The following EPHB1 variants were observed in gnomAD, a reference collection of about 807,000 sequenced individuals.
EPHB1 encodes the protein EPH receptor B1.
A neutral mutation model predicts 94.4 loss-of-function variants in EPHB1; 30 were observed. The observed-to-expected ratio is 0.32, with a 90% CI of 0.24 to 0.43. The LOEUF (loss-of-function observed/expected upper bound fraction) is 0.43. Among genes scored for constraint, EPHB1 ranks in the 20% least tolerant of loss-of-function variants. The pLI, the probability that EPHB1 is intolerant of heterozygous loss-of-function variation, is 1.00. For missense variants in EPHB1, 1,055 were observed against 1,308.3 expected (o/e 0.81, Z 2.99); for synonymous variants, 522 against 489.1 (o/e 1.07, Z -0.89).
chr3:135,242,813 C>T (rs1480705433), intron 13 of EPHB1, among the ~76,000 whole-genome samples: 2 of 152,254 alleles, frequency 1.3e-5, no homozygotes, highest in African/African-American at 2.4e-5. Context: ...CGCAGTGGCT[C>T]ATGCTTGTAG....
At chr3:135,059,863 T>C (rs1415736990) in intron 3 of EPHB1, among the ~76,000 whole-genome samples, 1 of 152,156 alleles carries the variant, frequency 6.6e-6, no homozygotes, top group Non-Finnish European at 1.5e-5. Flanking sequence ...CGTTTGGGCC[T>C]CAGCGTGCCG....
chr3:135,012,917 T>A (rs1935670052), intron 3 of EPHB1, among the ~76,000 whole-genome samples: 2 of 152,230 alleles, frequency 1.3e-5, no homozygotes, highest in African/African-American at 4.8e-5. Flanking sequence ...GCATTTCATA[T>A]AATATATGTA....
At chr3:135,114,263 G>T (rs963326773) in intron 4 of EPHB1, among the ~76,000 whole-genome samples, 1 of 152,070 alleles carries the variant, frequency 6.6e-6, no homozygotes, top group African/African-American at 2.4e-5. Flanking sequence ...GGGCTCTGGA[G>T]CCTGTGCCCA....
At chr3:135,185,616 G>A (rs1426003266) in intron 10 of EPHB1, among the ~76,000 whole-genome samples, 1 of 152,198 alleles carries the variant, frequency 6.6e-6, no homozygotes, top group African/African-American at 2.4e-5. Flanking sequence ...GCCGAAGGCT[G>A]TGCTGCCAGT....
intron 3 of EPHB1, among the ~76,000 whole-genome samples, chr3:135,064,640 A>G (rs549920021): frequency 6.6e-6 from 1 of 152,132 alleles, no homozygotes; most frequent in Non-Finnish European, 1.5e-5. Flanking sequence ...TTATCTTTTC[A>G]AAAAACTACT....
At chr3:135,035,232 C>T (rs547613254) in intron 3 of EPHB1, among the ~76,000 whole-genome samples, 5 of 152,188 alleles carry the variant, frequency 3.3e-5, no homozygotes, top group South Asian at 2.1e-4. Context: ...CTGCATCCAT[C>T]GCTCCTTGGG....
intron 3 of EPHB1, among the ~76,000 whole-genome samples, chr3:134,998,561 A>C (rs40435): frequency 6.6e-6 from 1 of 151,966 alleles, no homozygotes; most frequent in Non-Finnish European, 1.5e-5. Flanking sequence ...ACTGGGTTAT[A>C]TGTCAGTATT....
Position 135,097,096 on chromosome 3 carries a change from C to CA in EPHB1, c.806-9333dup, listed in dbSNP as rs1182116389. On this transcript the variant is annotated intron_variant, in intron 3 of 15. Coordinates refer to ENST00000398015, the MANE Select transcript of EPHB1 (RefSeq NM_004441.5). ...GGGCCACAGAGCAAGACTCTGTCTA[C>CA]AAAAAAAAAAAAAAAAAAAGAAAAA... is the stretch of plus-strand genomic sequence containing the variant. Among the ~76,000 whole-genome samples the CA allele has an allele frequency of 9.1e-3, 758 of 83,378 alleles. 7 individuals carry two copies. The highest frequency in any genetic ancestry group is 0.024 in the African/African-American group (444 of 18,460). The allele number at this position is 83,378 out of a possible 152,430, so 54.7% of individuals were successfully genotyped here.
At chr3:134,860,886 C>T (rs1206329078) in intron 1 of EPHB1, among the ~76,000 whole-genome samples, 1 of 151,620 alleles carries the variant, frequency 6.6e-6, no homozygotes, top group East Asian at 1.9e-4. Flanking sequence ...CCCAGTAGAC[C>T]CTGGCTCATC....
intron 3 of EPHB1, among the ~76,000 whole-genome samples, chr3:135,000,933 C>T (rs1935151583): frequency 6.6e-6 from 1 of 152,174 alleles, no homozygotes; most frequent in African/African-American, 2.4e-5. Flanking sequence ...TCTGCAACTT[C>T]CACCTTATTT....
At chr3:134,933,462 CT>C (rs5852802) in intron 2 of EPHB1, among the ~76,000 whole-genome samples, 70,337 of 151,642 alleles carry the variant, frequency 0.46, 17,040 homozygotes, top group Middle Eastern at 0.57. Flanking sequence ...TGTGGAGAGC[CT>C]ACTGGAAGGC....
chr3:135,168,946 C>T (rs1941729408), intron 9 of EPHB1, among the ~76,000 whole-genome samples: 1 of 152,178 alleles, frequency 6.6e-6, no homozygotes, highest in African/African-American at 2.4e-5. Context: ...AGCGTGCAAG[C>T]CAAGCCTTGG....
At chr3:135,043,250 A>G (rs1422577638) in intron 3 of EPHB1, among the ~76,000 whole-genome samples, 1 of 150,628 alleles carries the variant, frequency 6.6e-6, no homozygotes, top group African/African-American at 2.5e-5. Context: ...TTACACACAT[A>G]TCAAATAATA....
At chr3:135,126,455 A>G (rs1351196436) in intron 4 of EPHB1, among the ~76,000 whole-genome samples, 3 of 152,294 alleles carry the variant, frequency 2.0e-5, no homozygotes, top group African/African-American at 7.2e-5. Context: ...AATACCAGAT[A>G]CCAAGTCAAA....
At position 134,795,341 on chromosome 3, in the gene EPHB1, C is replaced by T; in HGVS notation, c.-291C>T. 2.0e-6 allele frequency: 1 copy of T among 495,122 alleles called. No homozygotes were observed. The highest frequency in any genetic ancestry group is 3.5e-6 in the Non-Finnish European group (1 of 282,352). 30.7% of individuals were successfully genotyped at this position (495,122 alleles called of 1,614,324 possible). The stretch of plus-strand genomic sequence containing the variant: ...GGACGCACTCGCTCTCGCGCGCTCT[C>T]CCAGGCTCGTTCTCCCTCGCCCTCT... On this transcript the variant is annotated 5_prime_UTR_variant, in exon 1 of 16. Transcript: ENST00000398015.
chr3:135,225,271 G>T (rs568128495), intron 12 of EPHB1, among the ~76,000 whole-genome samples: 67 of 152,258 alleles, frequency 4.4e-4, no homozygotes, highest in Non-Finnish European at 7.6e-4. Flanking sequence ...CCCAATCCTT[G>T]GGAGATACTA....
At chr3:135,218,516 G>A (rs1186408419) in intron 12 of EPHB1, among the ~76,000 whole-genome samples, 2 of 152,224 alleles carry the variant, frequency 1.3e-5, no homozygotes, top group African/African-American at 2.4e-5. Context: ...GGAACAAGGA[G>A]TGGGTCAGGT....
intron 1 of EPHB1, among the ~76,000 whole-genome samples, chr3:134,882,308 G>A (rs2037747224): frequency 6.6e-6 from 1 of 152,172 alleles, no homozygotes; most frequent in Admixed American, 6.5e-5. Flanking sequence ...ACCAAAATGT[G>A]AGAGAGAAAT....
intron 12 of EPHB1, among the ~76,000 whole-genome samples, chr3:135,208,899 C>G (rs1196613989): frequency 6.6e-6 from 1 of 152,134 alleles, no homozygotes; most frequent in Non-Finnish European, 1.5e-5. Context: ...GAGACATGGC[C>G]CCTTCCAAGG....
Sources: allele counts gnomAD v4.1 joint callset (sites outside exome capture counted in the v4.1 genomes callset), GRCh38; gene constraint gnomAD v4.1.1; transcripts MANE v1.5; gene names NCBI Gene and HGNC (gene_info 2026-07-23, HGNC 2026-07-21).